EHMT1: variants seen among roughly 807,000 people sequenced by gnomAD.
The protein encoded by EHMT1 is euchromatic histone lysine methyltransferase 1, also known as histone-lysine N-methyltransferase EHMT1.
Under a neutral mutation model 147.2 loss-of-function variants are expected in EHMT1, and 15 were observed. The ratio of observed to expected loss-of-function variants is 0.10; its 90% CI spans 0.07 to 0.16. The LOEUF is 0.16. Ranked by LOEUF, EHMT1 falls within the 10% of genes least tolerant of loss-of-function variation. The pLI is 1.00. For synonymous variants in EHMT1, 795 were observed against 709.6 expected (o/e 1.12, Z -1.91); for missense variants, 1,587 against 1,772.4 (o/e 0.90, Z 1.88).
chr9:137,711,787 G>A (rs2135404422), intron 2 of EHMT1, among the ~76,000 whole-genome samples: 1 of 152,290 alleles, frequency 6.6e-6, no homozygotes, highest in South Asian at 2.1e-4. Context: ...GCTCCACAGT[G>A]AAGGGAGAGT....
chr9:137,630,861 C>G (rs184892570), intron 1 of EHMT1, among the ~76,000 whole-genome samples: 3 of 152,106 alleles, frequency 2.0e-5, no homozygotes, highest in Admixed American at 6.6e-5. Context: ...GCAAGGTTAT[C>G]CAGGGCCTTG....
intron 8 of EHMT1, among the ~76,000 whole-genome samples, chr9:137,757,463 C>T (rs1203193005): frequency 1.3e-5 from 2 of 152,262 alleles, no homozygotes; most frequent in East Asian, 3.8e-4. Context: ...AGCTACTTTA[C>T]ATCTGATCTT....
chr9:137,664,583 AT>A (rs1236346683), intron 1 of EHMT1, among the ~76,000 whole-genome samples: 71 of 142,660 alleles, frequency 5.0e-4, no homozygotes, highest in Admixed American at 6.3e-4. Context: ...ACAGACTTTA[AT>A]TTTTTTTTTT....
chr9:137,754,565 C>T (rs772880761), intron 8 of EHMT1, among the ~76,000 whole-genome samples: 9 of 151,696 alleles, frequency 5.9e-5, no homozygotes, highest in African/African-American at 9.7e-5. Flanking sequence ...CAGGCTGGAG[C>T]GCAGTGGCAC....
intron 25 of EHMT1, among the ~76,000 whole-genome samples, chr9:137,833,853 ACT>A (rs1956399694): frequency 6.6e-6 from 1 of 152,198 alleles, no homozygotes; most frequent in African/African-American, 2.4e-5. Flanking sequence ...GCCATTCGCC[ACT>A]GAGTCTTCCC....
At chr9:137,815,577 G>A in intron 22 of EHMT1, 1 of 355,822 alleles carries the variant, frequency 2.8e-6, no homozygotes, top group Non-Finnish European at 5.5e-6. Context: ...GGCCAGGAGT[G>A]CAGGAGGGTG....
At chr9:137,812,394 A>C (rs1445827389) in intron 19 of EHMT1, among the ~76,000 whole-genome samples, 1 of 152,268 alleles carries the variant, frequency 6.6e-6, no homozygotes, top group African/African-American at 2.4e-5. Flanking sequence ...AAAGTCATCC[A>C]CACTCAGGTT....
chr9:137,635,677 GGA>G (rs1447116628), intron 1 of EHMT1, among the ~76,000 whole-genome samples: 5 of 150,948 alleles, frequency 3.3e-5, no homozygotes, highest in Non-Finnish European at 7.4e-5. Context: ...AAAATTAGTG[GGA>G]CGTGGTGGCG....
chr9:137,820,872 T>G (rs1165390835), intron 25 of EHMT1, among the ~76,000 whole-genome samples: 2 of 116,644 alleles, frequency 1.7e-5, no homozygotes, highest in Non-Finnish European at 3.0e-5. Flanking sequence ...TAGAGGTTTG[T>G]TTTGTTTTGT....
chr9:137,798,746 G>T (rs755740869), intron 16 of EHMT1, 67 bp from the exon 17 acceptor site: 20 of 1,303,766 alleles, frequency 1.5e-5, no homozygotes, highest in Non-Finnish European at 2.0e-5. Context: ...CCTGGATCCC[G>T]CACTCAGGGC....
At chr9:137,689,756 C>T (rs754998084) in intron 1 of EHMT1, among the ~76,000 whole-genome samples, 12 of 152,190 alleles carry the variant, frequency 7.9e-5, no homozygotes, top group Admixed American at 2.0e-4. Flanking sequence ...TGGGTACCTG[C>T]GATTGTCATT....
rs1307084512 is a variant in EHMT1, at chr9:137,813,287, G to A, written c.3036-99G>A. ...ACATCCCCAGGCTGCAGTCCAAATT[G>A]TCAGGGCCAGGTGTTTGCCAGCCGC... On this transcript the variant is annotated intron_variant, in intron 20 of 26. Coordinates refer to ENST00000460843, the MANE Select transcript of EHMT1 (RefSeq NM_024757.5). This position sits in a 1 kb window ranked among gnomAD's most constrained non-coding sequence, Gnocchi z 4.9. The A allele has an allele frequency of 1.3e-6, 2 of 1,556,196 alleles. No individual in the cohort carries two copies. The highest frequency in any genetic ancestry group is 2.7e-5 in the African/African-American group (2 of 73,752).
chr9:137,677,922 A>AG (rs1484828800), intron 1 of EHMT1, among the ~76,000 whole-genome samples: 19 of 150,624 alleles, frequency 1.3e-4, no homozygotes, highest in Non-Finnish European at 2.5e-4. Flanking sequence ...AAAAAAAAAA[A>AG]GCCGGGCGTG....
chr9:137,623,351 G>A (rs1273968579), intron 1 of EHMT1, among the ~76,000 whole-genome samples: 2 of 151,734 alleles, frequency 1.3e-5, no homozygotes, highest in African/African-American at 4.8e-5. Flanking sequence ...CACACTCTCC[G>A]TTAGCTAGCC....
At position 137,828,436 on chromosome 9, in the gene EHMT1, C is replaced by G. The variant is rs1284759009; in HGVS notation, c.3541-5913C>G. ...CCATTGCCAAGGCCACATCCTGACTCTAGGCCCCTCTGGTCTGGGCAGTGA... is the reference window on the plus strand; with the variant it reads ...CCATTGCCAAGGCCACATCCTGACTGTAGGCCCCTCTGGTCTGGGCAGTGA... On this transcript the variant is annotated intron_variant, in intron 25 of 26. Transcript: ENST00000460843. The surrounding 1 kb of genome is among the most constrained non-coding windows in gnomAD (Gnocchi z 5.3). 3.3e-5 allele frequency among the ~76,000 whole-genome samples: 5 copies of G among 152,120 alleles called. No individual in the cohort carries two copies. Among genetic ancestry groups the G allele is most frequent in the South Asian group, 2.1e-4 (1 of 4,814 alleles).
chr9:137,635,179 C>G (rs1843916672), intron 1 of EHMT1, among the ~76,000 whole-genome samples: 1 of 151,594 alleles, frequency 6.6e-6, no homozygotes, highest in Admixed American at 6.6e-5. Flanking sequence ...GATGCTTGTC[C>G]ATTTATTTAG....
At chr9:137,684,232 C>A (rs1942227164) in intron 1 of EHMT1, among the ~76,000 whole-genome samples, 1 of 152,002 alleles carries the variant, frequency 6.6e-6, no homozygotes, top group African/African-American at 2.4e-5. Context: ...GAGGTTTTGC[C>A]ATGTTGCCCA....
rs1374759966 is a variant in EHMT1 at position 137,775,854 on chromosome 9, C to T, written c.1791+602C>T. ...AATGGGCTGCTTCCCTTTGGAGCTC[C>T]CCTGTGTGGGCATCCTCGTGCATGT... On this transcript the variant is annotated intron_variant, in intron 11 of 26. Transcript: ENST00000460843. The surrounding 1 kb of genome is among the most constrained non-coding windows in gnomAD (Gnocchi z 6.1). 6.6e-6 allele frequency among the ~76,000 whole-genome samples: 1 copy of T among 151,458 alleles called. No individual in the cohort carries two copies. The highest frequency in any genetic ancestry group is 6.6e-5 in the Admixed American group (1 of 15,230).
chr9:137,789,878 A>G (rs6559223), intron 15 of EHMT1, among the ~76,000 whole-genome samples: 1 of 152,058 alleles, frequency 6.6e-6, no homozygotes, highest in Non-Finnish European at 1.5e-5. Context: ...TACAGGCGCC[A>G]GGCACCACGC....
Sources: gnomAD v4.1 joint callset for allele counts (sites outside exome capture counted in the v4.1 genomes callset) on GRCh38, gnomAD v4.1.1 for gene constraint, Gnocchi (gnomAD v3.1) non-coding constraint, MANE v1.5 for transcripts, NCBI Gene and HGNC (gene_info 2026-07-23, HGNC 2026-07-21) for gene names.